SERGEF: variants seen among roughly 807,000 people sequenced by gnomAD.
The protein encoded by SERGEF is secretion-regulating guanine nucleotide exchange factor.
A neutral mutation model predicts 50.0 loss-of-function variants in SERGEF; 51 were observed. That is an observed-to-expected ratio of 1.02 (90% CI 0.81 to 1.29). SERGEF has a LOEUF of 1.29. Among genes scored for constraint, SERGEF ranks in the 50% most tolerant of loss-of-function variants. The pLI, the probability that SERGEF is intolerant of heterozygous loss-of-function variation, is 0.00. For missense variants in SERGEF, 521 were observed against 557.0 expected, an observed-to-expected ratio of 0.94 and a Z score of 0.65; for synonymous variants, 205 against 212.4, an observed-to-expected ratio of 0.97 and a Z score of 0.30.
At chr11:17,976,536 G>A (rs913287617) in intron 8 of SERGEF, among the ~76,000 whole-genome samples, 1 of 145,140 alleles carries the variant, frequency 6.9e-6, no homozygotes, top group Non-Finnish European at 1.5e-5. Flanking sequence ...TCCTGACCTC[G>A]TGATCCACCC....
intron 9 of SERGEF, among the ~76,000 whole-genome samples, chr11:17,927,193 C>A (rs534797292): frequency 6.6e-6 from 1 of 152,308 alleles, no homozygotes; most frequent in South Asian, 2.1e-4. Context: ...TTAACCCACA[C>A]TAGAGACTCA....
intron 9 of SERGEF, among the ~76,000 whole-genome samples, chr11:17,920,987 CT>C (rs921506259): frequency 7.2e-5 from 11 of 152,184 alleles, no homozygotes; most frequent in Non-Finnish European, 1.3e-4. Context: ...TTCTATTTCC[CT>C]TTTTAACACC....
chr11:17,846,423 T>C (rs538730879), intron 10 of SERGEF: 16 of 289,328 alleles, frequency 5.5e-5, no homozygotes, highest in South Asian at 3.5e-4. Context: ...GGCAGCAGTA[T>C]GTAGAGATGT....
At chr11:17,966,667 G>T (rs894173754) in intron 8 of SERGEF, among the ~76,000 whole-genome samples, 1 of 152,108 alleles carries the variant, frequency 6.6e-6, no homozygotes, top group Non-Finnish European at 1.5e-5. Context: ...TGTATAGTTT[G>T]TTATTTTTTA....
At chr11:17,966,502 T>C (rs1157618538) in intron 8 of SERGEF, among the ~76,000 whole-genome samples, 3 of 152,200 alleles carry the variant, frequency 2.0e-5, no homozygotes, top group Non-Finnish European at 4.4e-5. Context: ...TTATGATGCC[T>C]AAAAATCTTC....
chr11:17,868,952 G>A (rs1237195841), intron 10 of SERGEF, among the ~76,000 whole-genome samples: 1 of 152,106 alleles, frequency 6.6e-6, no homozygotes, highest in African/African-American at 2.4e-5. Context: ...AATTCAATAT[G>A]AGATTTGGGT....
chr11:17,882,673 G>A (rs1173453698), intron 9 of SERGEF, among the ~76,000 whole-genome samples: 2 of 152,148 alleles, frequency 1.3e-5, no homozygotes, highest in Admixed American at 1.3e-4. Context: ...TGGGGGTGAG[G>A]AGATGGCAGT....
At chr11:17,858,670 G>A (rs553862212) in intron 10 of SERGEF, among the ~76,000 whole-genome samples, 1 of 152,234 alleles carries the variant, frequency 6.6e-6, no homozygotes, top group East Asian at 1.9e-4. Context: ...GTATCAGTTA[G>A]AATCTCAGCA....
chr11:17,978,481 G>T (rs1400072215), intron 8 of SERGEF, among the ~76,000 whole-genome samples: 1 of 152,172 alleles, frequency 6.6e-6, no homozygotes, highest in East Asian at 1.9e-4. Flanking sequence ...GAGCAGAAAA[G>T]ATGTGCACAT....
chr11:17,936,374 G>C (rs1189770468), intron 9 of SERGEF, among the ~76,000 whole-genome samples: 2 of 152,144 alleles, frequency 1.3e-5, no homozygotes, highest in Non-Finnish European at 2.9e-5. Context: ...ATTATCATTT[G>C]AATATCAAAG....
intron 9 of SERGEF, among the ~76,000 whole-genome samples, chr11:17,880,187 G>C (rs60553645): frequency 6.6e-6 from 1 of 152,186 alleles, no homozygotes; most frequent in Non-Finnish European, 1.5e-5. Context: ...TTACCAGTAA[G>C]TATTTCCAGG....
At chr11:17,981,014 A>G (rs1052394517) in intron 8 of SERGEF, among the ~76,000 whole-genome samples, 45 of 152,216 alleles carry the variant, frequency 3.0e-4, no homozygotes, top group African/African-American at 9.9e-4. Flanking sequence ...CAAACTCTCC[A>G]TCTATTAAAA....
At chr11:17,827,243 G>T (rs1030319002) in intron 10 of SERGEF, among the ~76,000 whole-genome samples, 2 of 152,196 alleles carry the variant, frequency 1.3e-5, no homozygotes, top group Admixed American at 6.5e-5. Context: ...GGGTCCTTGA[G>T]ATCAGAACCA....
chr11:17,808,599 G>A (rs1416234278), intron 10 of SERGEF, among the ~76,000 whole-genome samples: 2 of 152,186 alleles, frequency 1.3e-5, no homozygotes, highest in Non-Finnish European at 2.9e-5. Flanking sequence ...GAGATTTGGA[G>A]GGGACAAACA....
intron 9 of SERGEF, among the ~76,000 whole-genome samples, chr11:17,895,295 T>C (rs559414893): frequency 1.3e-5 from 2 of 152,294 alleles, no homozygotes; most frequent in African/African-American, 4.8e-5. Context: ...AAGTCAATAA[T>C]GAAGATAAGA....
Position 17,941,884 on chromosome 11 carries a change from G to A in SERGEF, c.1011+17586C>T, listed in dbSNP as rs1354069594. ...GATTTGTACTTCTCTAATGATTAGG[G>A]ATGTTGAGCAACTTTTCACATAATC... is the stretch of plus-strand genomic sequence containing the variant. On this transcript the variant is annotated intron_variant, in intron 9 of 10. Coordinates refer to ENST00000265965, the MANE Select transcript of SERGEF (RefSeq NM_012139.4). Among the ~76,000 whole-genome samples the A allele has an allele frequency of 3.9e-5, 6 of 152,232 alleles. No individual in the cohort carries two copies. In the East Asian group the frequency reaches 7.7e-4, roughly 20 times the overall value.
At chr11:17,935,859 C>T (rs1852441004) in intron 9 of SERGEF, among the ~76,000 whole-genome samples, 1 of 152,110 alleles carries the variant, frequency 6.6e-6, no homozygotes, top group Admixed American at 6.5e-5. Context: ...GTAAAGAATA[C>T]AGTATATTAG....
intron 10 of SERGEF, among the ~76,000 whole-genome samples, chr11:17,858,107 C>G (rs1850857468): frequency 6.6e-6 from 1 of 152,122 alleles, no homozygotes; most frequent in South Asian, 2.1e-4. Context: ...TGAGAAGCAC[C>G]AAGTGTCTTT....
chr11:18,003,011 C>A lies in SERGEF; in HGVS notation c.447+1430G>T, dbSNP rs1319893827. 4.6e-5 allele frequency among the ~76,000 whole-genome samples: 7 copies of A among 152,140 alleles called. No homozygotes were observed. In the East Asian group the frequency reaches 1.3e-3, roughly 29 times the overall value. ...ATTATAACTTATATGTAGGTGCTTA[C>A]AAGGCCATCTATTTGCAATTGGGAG... On this transcript the variant is annotated intron_variant, in intron 4 of 10. Coordinates refer to ENST00000265965, the MANE Select transcript of SERGEF (RefSeq NM_012139.4).
Sources: gnomAD v4.1 joint callset for allele counts (sites outside exome capture counted in the v4.1 genomes callset) on GRCh38, gnomAD v4.1.1 for gene constraint, MANE v1.5 for transcripts, NCBI Gene and HGNC (gene_info 2026-07-23, HGNC 2026-07-21) for gene names.